NCKAP5: variants seen among roughly 807,000 people sequenced by gnomAD.
The protein encoded by NCKAP5 is nck-associated protein 5.
A neutral mutation model predicts 167.0 loss-of-function variants in NCKAP5; 92 were observed. That is an observed-to-expected ratio of 0.55 (90% CI 0.47 to 0.66). The LOEUF (loss-of-function observed/expected upper bound fraction) is 0.66. Among genes scored for constraint, NCKAP5 ranks in the 30% least tolerant of loss-of-function variants. The probability of loss-of-function intolerance (pLI) is 0.00; values close to 1 mark genes in which losing one functional copy is unlikely to be tolerated. For synonymous variants in NCKAP5, 891 were observed against 877.4 expected (o/e 1.02, Z -0.27); for missense variants, 2,378 against 2,315.0 (o/e 1.03, Z -0.56).
At chr2:132,754,241 G>A (rs1374821560) in intron 16 of NCKAP5, among the ~76,000 whole-genome samples, 1 of 152,050 alleles carries the variant, frequency 6.6e-6, no homozygotes, top group Non-Finnish European at 1.5e-5. Flanking sequence ...TTCCCCTATC[G>A]ATCTTTCCTG....
chr2:133,107,254 G>T (rs2081738515), intron 6 of NCKAP5, among the ~76,000 whole-genome samples: 1 of 152,128 alleles, frequency 6.6e-6, no homozygotes, highest in African/African-American at 2.4e-5. Context: ...AACCTAAAAA[G>T]CCACCAATGG....
chr2:133,222,210 G>A (rs938290340), intron 4 of NCKAP5, among the ~76,000 whole-genome samples: 1 of 151,968 alleles, frequency 6.6e-6, no homozygotes, highest in Non-Finnish European at 1.5e-5. Context: ...TGTCAGTTAT[G>A]TCTATTGATA....
chr2:132,947,189 G>A (rs1697816716), intron 8 of NCKAP5, among the ~76,000 whole-genome samples: 2 of 152,048 alleles, frequency 1.3e-5, no homozygotes, highest in South Asian at 4.1e-4. Context: ...CTATAAGAAC[G>A]ATAAACTTTC....
chr2:132,732,071 A>G lies in NCKAP5; in HGVS notation c.5129-20T>C. On this transcript the variant is annotated intron_variant, in intron 16 of 19. Transcript: ENST00000409261. ...TGGATTCTGAGATAGAGAGACAGAG[A>G]GAGAAGGGAATAGAGAAGGCTCACA... The G allele has an allele frequency of 6.3e-7, 1 of 1,591,760 alleles. No homozygotes were observed. Among genetic ancestry groups the G allele is most frequent in the Non-Finnish European group, 8.6e-7 (1 of 1,166,514 alleles).
chr2:133,404,529 T>C (rs1469706871), intron 3 of NCKAP5, among the ~76,000 whole-genome samples: 1 of 152,246 alleles, frequency 6.6e-6, no homozygotes, highest in Non-Finnish European at 1.5e-5. Context: ...TGCACTATAA[T>C]AAAAGTTATA....
chr2:132,733,127 T>G lies in NCKAP5; in HGVS notation c.5129-1076A>C, dbSNP rs1691183427. Among the ~76,000 whole-genome samples, 3 of 152,190 alleles carry G rather than the reference T, an allele frequency of 2.0e-5. No individual in the cohort carries two copies. The South Asian group carries it at 6.2e-4, about 32-fold the overall frequency. ...TTTATATACGGAGAAAAGTACAGTA[T>G]CTGAAAAAATTACCACGTCATTTCT... On this transcript the variant is annotated intron_variant, in intron 16 of 19. Coordinates refer to ENST00000409261, the MANE Select transcript of NCKAP5 (RefSeq NM_207363.3).
chr2:132,863,638 C>A (rs1198371074), intron 10 of NCKAP5, among the ~76,000 whole-genome samples: 2 of 152,148 alleles, frequency 1.3e-5, no homozygotes, highest in Non-Finnish European at 2.9e-5. Context: ...ACATCCAGCT[C>A]AGCACACAGC....
At chr2:132,883,812 G>A (rs551840281) in intron 8 of NCKAP5, among the ~76,000 whole-genome samples, 13 of 152,318 alleles carry the variant, frequency 8.5e-5, no homozygotes, top group Admixed American at 2.6e-4. Context: ...AGAAGGCATG[G>A]GTTATATGTG....
At chr2:133,422,191 C>T in intron 3 of NCKAP5, among the ~76,000 whole-genome samples, 1 of 152,308 alleles carries the variant, frequency 6.6e-6, no homozygotes, top group Non-Finnish European at 1.5e-5. Context: ...TCTAATGGAC[C>T]AGGCTATATC....
chr2:132,893,099 C>T (rs1173703114), intron 8 of NCKAP5, among the ~76,000 whole-genome samples: 1 of 150,988 alleles, frequency 6.6e-6, no homozygotes, highest in Non-Finnish European at 1.5e-5. Flanking sequence ...CAAGTTTAAA[C>T]AACAACAATA....
intron 6 of NCKAP5, among the ~76,000 whole-genome samples, chr2:133,037,657 T>C (rs1014622778): frequency 1.3e-5 from 2 of 152,110 alleles, no homozygotes; most frequent in Non-Finnish European, 2.9e-5. Flanking sequence ...TCAAAATGGA[T>C]TAGAGACAAA....
chr2:133,018,014 A>G (rs899018776), intron 6 of NCKAP5, among the ~76,000 whole-genome samples: 1 of 152,208 alleles, frequency 6.6e-6, no homozygotes, highest in Admixed American at 6.5e-5. Flanking sequence ...ATACTGCCCC[A>G]GGAAGCTCTT....
chr2:132,769,517 G>GC (rs36114452), intron 16 of NCKAP5, among the ~76,000 whole-genome samples: 44,491 of 152,026 alleles, frequency 0.29, 6,652 homozygotes, highest in African/African-American at 0.33. Flanking sequence ...TTATCAGGGT[G>GC]AAAATATATA....
At chr2:133,151,851 T>C (rs1471018447) in intron 5 of NCKAP5, among the ~76,000 whole-genome samples, 1 of 152,202 alleles carries the variant, frequency 6.6e-6, no homozygotes, top group Non-Finnish European at 1.5e-5. Flanking sequence ...CCTGTAATTG[T>C]AGCTACTCAG....
intron 3 of NCKAP5, among the ~76,000 whole-genome samples, chr2:133,431,382 T>C (rs1690150327): frequency 6.6e-6 from 1 of 152,114 alleles, no homozygotes; most frequent in Non-Finnish European, 1.5e-5. Context: ...ATACAACATT[T>C]TAATCACCAC....
chr2:133,248,405 A>G (rs540372532), intron 4 of NCKAP5, among the ~76,000 whole-genome samples: 13 of 152,208 alleles, frequency 8.5e-5, no homozygotes, highest in Non-Finnish European at 1.8e-4. Context: ...CTATTTTTAG[A>G]TGGAGATCCT....
the NCKAP5 span, among the ~76,000 whole-genome samples, chr2:133,658,513 G>T: frequency 1.3e-5 from 2 of 152,170 alleles, no homozygotes; most frequent in Non-Finnish European, 2.9e-5. Context: ...CTGCTGTCCT[G>T]GGAGTGGGCA....
chr2:133,295,035 G>A (rs1335034103), intron 4 of NCKAP5, among the ~76,000 whole-genome samples: 2 of 152,188 alleles, frequency 1.3e-5, no homozygotes, highest in Admixed American at 6.5e-5. Flanking sequence ...CAGTAGTTTA[G>A]ATTCTTGGAA....
chr2:132,755,447 G>A (rs777968373), intron 16 of NCKAP5, among the ~76,000 whole-genome samples: 6 of 152,172 alleles, frequency 3.9e-5, no homozygotes, highest in South Asian at 2.1e-4. Flanking sequence ...GGTGAATTAC[G>A]GGCAAGGCAC....
Sources: gnomAD v4.1 joint callset for allele counts (sites outside exome capture counted in the v4.1 genomes callset) on GRCh38, gnomAD v4.1.1 for gene constraint, MANE v1.5 for transcripts, NCBI Gene and HGNC (gene_info 2026-07-23, HGNC 2026-07-21) for gene names.